KREMEN1: variants seen among roughly 807,000 people sequenced by gnomAD.
KREMEN1 encodes kremen protein 1.
Under a neutral mutation model 46.5 loss-of-function variants are expected in KREMEN1, and 30 were observed. The ratio of observed to expected loss-of-function variants is 0.65; its 90% CI spans 0.48 to 0.88. The LOEUF is 0.88. KREMEN1 is among the 40% of genes least tolerant of loss of function. The pLI, the probability that KREMEN1 is intolerant of heterozygous loss-of-function variation, is 0.00. For synonymous variants in KREMEN1, 214 were observed against 230.6 expected (o/e 0.93, Z 0.65); for missense variants, 533 against 596.9 (o/e 0.89, Z 1.11).
intron 1 of KREMEN1, among the ~76,000 whole-genome samples, chr22:29,089,778 C>G (rs1230857508): frequency 6.6e-6 from 1 of 152,182 alleles, no homozygotes; most frequent in African/African-American, 2.4e-5. Flanking sequence ...ATTAGAGGAG[C>G]AGCTTTGTAG....
At chr22:29,139,105 T>G (rs1222224721) in intron 7 of KREMEN1, among the ~76,000 whole-genome samples, 2 of 152,196 alleles carry the variant, frequency 1.3e-5, no homozygotes, top group African/African-American at 4.8e-5. Context: ...CTAAATCCAC[T>G]GGCATTTGCA....
chr22:29,094,235 G>C, intron 1 of KREMEN1, 23 bp from the exon 2 acceptor site: 2 of 1,585,694 alleles, frequency 1.3e-6, no homozygotes, highest in Non-Finnish European at 1.7e-6. Context: ...AAATTAGTTT[G>C]CTCTGTCTTT....
chr22:29,083,527 T>C (rs1184364327), intron 1 of KREMEN1, among the ~76,000 whole-genome samples: 1 of 152,208 alleles, frequency 6.6e-6, no homozygotes, highest in Non-Finnish European at 1.5e-5. Flanking sequence ...GGTTCTTGGA[T>C]CTTGCATAAG....
intron 9 of KREMEN1, among the ~76,000 whole-genome samples, chr22:29,163,017 G>A (rs2039024285): frequency 6.6e-6 from 1 of 152,130 alleles, no homozygotes; most frequent in African/African-American, 2.4e-5. Context: ...ATTGGGTACT[G>A]ATATGGTTTG....
intron 5 of KREMEN1, among the ~76,000 whole-genome samples, chr22:29,131,378 A>G (rs1313202418): frequency 1.3e-5 from 2 of 151,130 alleles, no homozygotes; most frequent in African/African-American, 2.4e-5. Flanking sequence ...TTTCAGTTGT[A>G]TACTTCAGTG....
intron 9 of KREMEN1, chr22:29,154,490 C>G (rs1417587886): frequency 6.6e-6 from 1 of 152,232 alleles, no homozygotes; most frequent in Non-Finnish European, 1.5e-5. Flanking sequence ...GGCTAAGGCC[C>G]CTGGCCCAGC....
intron 7 of KREMEN1, among the ~76,000 whole-genome samples, chr22:29,139,911 A>C (rs2038734449): frequency 6.6e-6 from 1 of 152,174 alleles, no homozygotes; most frequent in African/African-American, 2.4e-5. Context: ...TAGGTCACAT[A>C]TCTCATTCCT....
intron 8 of KREMEN1, among the ~76,000 whole-genome samples, chr22:29,141,630 T>A (rs938351887): frequency 2.0e-5 from 3 of 152,210 alleles, no homozygotes; most frequent in Non-Finnish European, 4.4e-5. Flanking sequence ...TGAAGACAGT[T>A]CTTTTATTTA....
chr22:29,116,408 C>G (rs763562092), intron 3 of KREMEN1, among the ~76,000 whole-genome samples: 2 of 152,130 alleles, frequency 1.3e-5, no homozygotes, highest in African/African-American at 4.8e-5. Context: ...AGTTTGATAC[C>G]TTAGGCCACT....
intron 1 of KREMEN1, among the ~76,000 whole-genome samples, chr22:29,083,935 GC>G (rs2037695042): frequency 6.6e-6 from 1 of 152,172 alleles, no homozygotes; most frequent in Non-Finnish European, 1.5e-5. Context: ...AGGCAGAGCA[GC>G]CCCGAGGGCA....
At chr22:29,126,546 A>G (rs966755932) in intron 5 of KREMEN1, among the ~76,000 whole-genome samples, 14 of 152,088 alleles carry the variant, frequency 9.2e-5, no homozygotes, top group Non-Finnish European at 1.8e-4. Flanking sequence ...AAAGGAACCA[A>G]TCATTGGATT....
chr22:29,142,346 G>C lies in KREMEN1; in HGVS notation c.*234G>C, dbSNP rs1469224050. 14 of 1,219,480 alleles carry C rather than the reference G, an allele frequency of 1.1e-5. No individual in the cohort carries two copies. The highest frequency in any genetic ancestry group is 1.4e-5 in the Non-Finnish European group (14 of 979,002). 75.5% of individuals were successfully genotyped at this position (1,219,480 alleles called of 1,614,324 possible). ...CTTAGGAGAGAGACTCAAAGCCCTG[G>C]GGCCCGGCCCTCTCTGCATCTCTCT... On this transcript the variant is annotated 3_prime_UTR_variant, in exon 9 of 9. Transcript: ENST00000400335.
At chr22:29,128,636 C>T (rs2038483322) in intron 5 of KREMEN1, among the ~76,000 whole-genome samples, 1 of 152,182 alleles carries the variant, frequency 6.6e-6, no homozygotes, top group South Asian at 2.1e-4. Flanking sequence ...TAAAGGTGCA[C>T]TGAAGTGAAT....
chr22:29,094,115 G>C (rs1251008300), intron 1 of KREMEN1, 143 bp from the exon 2 acceptor site: 1 of 637,070 alleles, frequency 1.6e-6, no homozygotes, highest in Non-Finnish European at 2.7e-6. Flanking sequence ...AGCCCCAGAA[G>C]TGTTAACTGC....
rs2038851198 is a variant in KREMEN1 at position 29,145,879 on chromosome 22, G to A, written c.*3767G>A. ...TCCTGGCCCTCGGGTAGAACCCACG[G>A]GCGTGCCTGGGTGCGGCTCCACCCA... On this transcript the variant is annotated 3_prime_UTR_variant, in exon 9 of 9. Transcript: ENST00000400335. 2.0e-6 allele frequency: 2 copies of A among 985,586 alleles called. No individual in the cohort carries two copies. The highest frequency in any genetic ancestry group is 9.4e-5 in the South Asian group (2 of 21,282). The allele number at this position is 985,586 out of a possible 1,614,324, so 61.1% of individuals were successfully genotyped here.
At position 29,073,244 on chromosome 22, in the gene KREMEN1, C is replaced by T. The variant is rs941642571; in HGVS notation, c.97+17C>T. The T allele has an allele frequency of 1.8e-6, 2 of 1,091,570 alleles. No individual in the cohort carries two copies. The highest frequency in any genetic ancestry group is 3.8e-5 in the East Asian group (1 of 26,524). The allele number at this position is 1,091,570 out of a possible 1,614,324, so 67.6% of individuals were successfully genotyped here. A position where few individuals can be genotyped will look rare whatever the true frequency, so the allele number is the denominator to read the frequency against. ...CCGGACCCGGTGAGTGTGAGCGACC[C>T]CCCGCCGCCCGCCCTGAGCGGAGCC... On this transcript the variant is annotated intron_variant, in intron 1 of 8. Transcript: ENST00000400335. The surrounding 1 kb of genome is among the most constrained non-coding windows in gnomAD (Gnocchi z 4.4).
At chr22:29,161,334 C>T (rs1315735033) in intron 9 of KREMEN1, among the ~76,000 whole-genome samples, 2 of 151,632 alleles carry the variant, frequency 1.3e-5, no homozygotes, top group African/African-American at 4.8e-5. Flanking sequence ...GATGAAACCC[C>T]GTCTGTACTA....
Position 29,142,358 on chromosome 22 carries a change from C to G in KREMEN1, c.*246C>G. ...ACTCAAAGCCCTGGGGCCCGGCCCT[C>G]TCTGCATCTCTCTCTGATCTAGCTA... is the stretch of plus-strand genomic sequence containing the variant. On this transcript the variant is annotated 3_prime_UTR_variant, in exon 9 of 9. Transcript: ENST00000400335. 1 of 1,190,144 alleles carries G rather than the reference C, an allele frequency of 8.4e-7. No individual in the cohort carries two copies. 73.7% of individuals were successfully genotyped at this position (1,190,144 alleles called of 1,614,324 possible).
At chr22:29,132,938 T>C (rs1240325024) in intron 5 of KREMEN1, among the ~76,000 whole-genome samples, 2 of 152,214 alleles carry the variant, frequency 1.3e-5, no homozygotes, top group Admixed American at 1.3e-4. Flanking sequence ...CTTCCTTGCC[T>C]GCCTTCAAGA....
Sources: gnomAD v4.1 joint callset for allele counts (sites outside exome capture counted in the v4.1 genomes callset) on GRCh38, gnomAD v4.1.1 for gene constraint, Gnocchi (gnomAD v3.1) non-coding constraint, MANE v1.5 for transcripts, NCBI Gene and HGNC (gene_info 2026-07-23, HGNC 2026-07-21) for gene names.